NXN: variants seen among roughly 807,000 people sequenced by gnomAD.
NXN encodes nucleoredoxin.
Under a neutral mutation model 48.6 loss-of-function variants are expected in NXN, and 16 were observed. The observed-to-expected ratio is 0.33, with a 90% confidence interval of 0.22 to 0.50. The LOEUF is 0.50. Among genes scored for constraint, NXN ranks in the 20% least tolerant of loss-of-function variants. NXN has a pLI of 0.98. For synonymous variants in NXN, 281 were observed against 269.6 expected (o/e 1.04, Z -0.41); for missense variants, 492 against 605.5 (o/e 0.81, Z 1.97).
chr17:948,699 GCCTCA>G (rs986675590), intron 1 of NXN, among the ~76,000 whole-genome samples: 1 of 151,850 alleles, frequency 6.6e-6, no homozygotes, highest in African/African-American at 2.4e-5. Flanking sequence ...CCAACGCGGG[GCCTCA>G]CCCCGGCCCG....
At chr17:806,099 A>C (rs896193779) in intron 5 of NXN, among the ~76,000 whole-genome samples, 1 of 139,688 alleles carries the variant, frequency 7.2e-6, no homozygotes, top group Non-Finnish European at 1.6e-5. Context: ...GAAGAGGAGG[A>C]CAGCTGACTG....
At chr17:965,944 GTC>G (rs2069297283) in intron 1 of NXN, among the ~76,000 whole-genome samples, 1 of 151,866 alleles carries the variant, frequency 6.6e-6, no homozygotes, top group Non-Finnish European at 1.5e-5. Context: ...GTGGAACCCT[GTC>G]TCTACTAAAA....
At chr17:809,155 C>G (rs551911846) in intron 5 of NXN, among the ~76,000 whole-genome samples, 5 of 152,300 alleles carry the variant, frequency 3.3e-5, no homozygotes, top group Non-Finnish European at 7.3e-5. Flanking sequence ...GTTCCGGCAA[C>G]AGTGTGATGT....
At chr17:896,759 C>T in intron 1 of NXN, 1 of 763,642 alleles carries the variant, frequency 1.3e-6, no homozygotes, top group Non-Finnish European at 1.7e-6. Context: ...GTAATAGAAC[C>T]TTCTCCTCGA....
At chr17:926,534 G>GTTTTTTTTTTGTTTTTTTGT (rs2068801012) in intron 1 of NXN, among the ~76,000 whole-genome samples, 2 of 141,508 alleles carry the variant, frequency 1.4e-5, no homozygotes, top group African/African-American at 5.3e-5. Flanking sequence ...CATGTTTTTT[G>GTTTTTTTTTTGTTTTTTTGT]TTTTTTTTTT....
At chr17:899,605 A>T (rs2068519117) in intron 1 of NXN, among the ~76,000 whole-genome samples, 1 of 152,174 alleles carries the variant, frequency 6.6e-6, no homozygotes, top group Non-Finnish European at 1.5e-5. Context: ...GAGCCTTAAA[A>T]AACAAAACCA....
intron 1 of NXN, among the ~76,000 whole-genome samples, chr17:951,416 A>G (rs2069109202): frequency 6.6e-6 from 1 of 151,626 alleles, no homozygotes. Flanking sequence ...GGTGGAGGCC[A>G]GTGTTGCAAC....
intron 1 of NXN, among the ~76,000 whole-genome samples, chr17:887,075 A>T (rs1262078527): frequency 6.8e-6 from 1 of 147,982 alleles, no homozygotes; most frequent in Non-Finnish European, 1.5e-5. Flanking sequence ...CACTTGGCTA[A>T]TTTTTGTATT....
At chr17:896,780 T>C (rs1234171731) in intron 1 of NXN, 9 of 931,382 alleles carry the variant, frequency 9.7e-6, no homozygotes, top group African/African-American at 1.8e-5. Flanking sequence ...CTTCAAAGCT[T>C]CCCTAAATTC....
At chr17:951,902 C>G (rs1365994197) in intron 1 of NXN, among the ~76,000 whole-genome samples, 1 of 152,204 alleles carries the variant, frequency 6.6e-6, no homozygotes, top group African/African-American at 2.4e-5. Context: ...GGAGCTCAGC[C>G]TCCCCGAGAA....
intron 1 of NXN, among the ~76,000 whole-genome samples, chr17:880,845 T>C (rs1163651391): frequency 6.6e-6 from 1 of 152,040 alleles, no homozygotes; most frequent in African/African-American, 2.4e-5. Flanking sequence ...AAGCAGACAC[T>C]AAGTAATGCA....
intron 1 of NXN, among the ~76,000 whole-genome samples, chr17:863,316 C>T (rs1374116384): frequency 2.6e-5 from 4 of 151,408 alleles, no homozygotes; most frequent in South Asian, 2.1e-4. Context: ...TACAGGTGCC[C>T]GCCACCACGC....
At chr17:885,986 C>T (rs951861801) in intron 1 of NXN, among the ~76,000 whole-genome samples, 1 of 152,050 alleles carries the variant, frequency 6.6e-6, no homozygotes, top group Non-Finnish European at 1.5e-5. Context: ...CCGCGCCCAG[C>T]TGTGGTACTC....
rs2068507592 is a variant in NXN at position 898,201 on chromosome 17, T to C, written c.361-72123A>G. On this transcript the variant is annotated intron_variant, in intron 1 of 7. Coordinates refer to ENST00000336868, the MANE Select transcript of NXN (RefSeq NM_022463.5). Reference sequence around the variant, plus strand: ...TTTCTCCCTGGTCGAGGCTGGTCTGTGCATTCCAGGATGTCCAGCAGCACT... The same window carrying C: ...TTTCTCCCTGGTCGAGGCTGGTCTGCGCATTCCAGGATGTCCAGCAGCACT... 5.3e-5 allele frequency among the ~76,000 whole-genome samples: 8 copies of C among 152,250 alleles called. No individual in the cohort carries two copies. In the South Asian group the frequency reaches 1.5e-3, roughly 28 times the overall value.
At chr17:839,813 A>AAAAAAAAAAAAAAAAAAAAACC in intron 1 of NXN, among the ~76,000 whole-genome samples, 1 of 142,576 alleles carries the variant, frequency 7.0e-6, no homozygotes, top group South Asian at 2.3e-4. Flanking sequence ...AAAAAAAAAA[A>AAAAAAAAAAAAAAAAAAAAACC]AGGCCAGGCA....
rs534932277 is a variant in NXN at position 880,665 on chromosome 17, C to T, written c.361-54587G>A. On this transcript the variant is annotated intron_variant, in intron 1 of 7. Transcript: ENST00000336868. ...CAAAACCCACAGAATCTTCCAAGTT[C>T]GCCTGAGCTAATGCATCCAAGGACG... is the stretch of plus-strand genomic sequence containing the variant. Among the ~76,000 whole-genome samples, 9 of 152,252 alleles carry T rather than the reference C, an allele frequency of 5.9e-5. No individual in the cohort carries two copies. In the East Asian group the frequency reaches 7.7e-4, roughly 13 times the overall value.
intron 1 of NXN, among the ~76,000 whole-genome samples, chr17:906,618 G>A (rs896589055): frequency 6.6e-6 from 1 of 151,254 alleles, no homozygotes; most frequent in Non-Finnish European, 1.5e-5. Context: ...CCAGGCTGGA[G>A]TGCAGCACTG....
chr17:907,134 G>A (rs1444730960), intron 1 of NXN, among the ~76,000 whole-genome samples: 1 of 151,590 alleles, frequency 6.6e-6, no homozygotes, highest in East Asian at 1.9e-4. Context: ...TTTTTTTGGG[G>A]GGGCGGGGGA....
intron 1 of NXN, among the ~76,000 whole-genome samples, chr17:967,809 A>G (rs918358325): frequency 1.3e-5 from 2 of 152,094 alleles, no homozygotes; most frequent in Non-Finnish European, 2.9e-5. Context: ...ATCTCTACTA[A>G]AAATACCAAA....
Sources: gnomAD v4.1 joint callset for allele counts (sites outside exome capture counted in the v4.1 genomes callset) on GRCh38, gnomAD v4.1.1 for gene constraint, MANE v1.5 for transcripts, NCBI Gene and HGNC (gene_info 2026-07-23, HGNC 2026-07-21) for gene names.